The following C1QTNF9 variants were observed in gnomAD, a reference collection of about 807,000 sequenced individuals.
The protein encoded by C1QTNF9 is C1q and TNF related 9, also known as complement C1q and tumor necrosis factor-related protein 9A.
In C1QTNF9, 6 loss-of-function variants were observed where a neutral mutation model predicts 10.1. The observed-to-expected ratio is 0.59, with a 90% CI of 0.32 to 1.17. The LOEUF (loss-of-function observed/expected upper bound fraction) is 1.17, where lower values mean the gene tolerates loss of function less well. Among genes scored for constraint, C1QTNF9 ranks in the 50% most tolerant of loss-of-function variants. The pLI is 0.04. For synonymous variants in C1QTNF9, 98 were observed against 163.5 expected (o/e 0.60, Z 3.06); for missense variants, 201 against 418.8 (o/e 0.48, Z 4.54).
exon 4 of C1QTNF9, chr13:24,321,645 G>A: frequency 1.2e-6 from 2 of 1,614,208 alleles, no homozygotes; most frequent in Non-Finnish European, 1.7e-6. Context: ...GCATTGTCCT[G>A]CAGCTGAAGC....
chr13:24,310,520 A>G (rs1266030461), intron 1 of C1QTNF9, among the ~76,000 whole-genome samples: 1 of 151,948 alleles, frequency 6.6e-6, no homozygotes, highest in Non-Finnish European at 1.5e-5. Context: ...TTTAATGTGT[A>G]CTTTTTTTTC....
Position 24,313,676 on chromosome 13 carries a change from G to C in C1QTNF9, c.-22-2306G>C, listed in dbSNP as rs374523019. ...GACATTTCCACCAGATGGCAATACAGTCTTTGGATGACAGAGAGTCTTGCT... is the reference window on the plus strand; with the variant it reads ...GACATTTCCACCAGATGGCAATACACTCTTTGGATGACAGAGAGTCTTGCT... On this transcript the variant is annotated intron_variant, in intron 1 of 3. Transcript: ENST00000332018. 7.0e-4 allele frequency among the ~76,000 whole-genome samples: 106 copies of C among 152,310 alleles called. No individual in the cohort carries two copies. The South Asian group carries it at 0.021, about 30-fold the overall frequency.
At chr13:24,315,473 A>G (rs1877987343) in intron 1 of C1QTNF9, among the ~76,000 whole-genome samples, 1 of 152,222 alleles carries the variant, frequency 6.6e-6, no homozygotes, top group South Asian at 2.1e-4. Context: ...TTGGGTTGCT[A>G]TGGAAAATAA....
chr13:24,318,942 A>G (rs1031612647), intron 3 of C1QTNF9, 62 bp downstream of exon 3: 29 of 1,588,746 alleles, frequency 1.8e-5, no homozygotes, highest in Middle Eastern at 1.7e-4. Context: ...CAATATTACC[A>G]TGGACAAGTC....
upstream of C1QTNF9, among the ~76,000 whole-genome samples, chr13:24,309,068 G>A (rs554794690): frequency 2.2e-3 from 335 of 151,920 alleles, 1 homozygote; most frequent in African/African-American, 7.5e-3. Flanking sequence ...AATGGTCCGG[G>A]ATCCAAATGA....
intron 3 of C1QTNF9, among the ~76,000 whole-genome samples, chr13:24,319,545 C>T (rs1016567189): frequency 4.9e-4 from 75 of 151,722 alleles, no homozygotes; most frequent in South Asian, 1.3e-3. Context: ...TGTCTCAAAG[C>T]AACAAAAAAA....
chr13:24,308,536 C>T (rs1877688788), upstream of C1QTNF9, among the ~76,000 whole-genome samples: 1 of 152,244 alleles, frequency 6.6e-6, no homozygotes, highest in African/African-American at 2.4e-5. Flanking sequence ...ATTGTCATGT[C>T]CGCTGCACTG....
chr13:24,320,545 T>C (rs1237067345), intron 3 of C1QTNF9, among the ~76,000 whole-genome samples: 2 of 152,072 alleles, frequency 1.3e-5, no homozygotes, highest in African/African-American at 2.4e-5. Context: ...CCACCGCGCC[T>C]GGCTAATTTT....
At chr13:24,316,057 C>T in exon 2 of C1QTNF9, 4 of 1,613,834 alleles carry the variant, frequency 2.5e-6, no homozygotes, top group Non-Finnish European at 3.4e-6. Flanking sequence ...GGAACATAAA[C>T]TCACAGGACA....
At position 24,315,966 on chromosome 13, in the gene C1QTNF9, T is replaced by A. The variant is rs755005559; in HGVS notation, c.-22-16T>A. 24 of 1,612,466 alleles carry A rather than the reference T, an allele frequency of 1.5e-5. No individual in the cohort carries two copies. The highest frequency in any genetic ancestry group is 2.0e-5 in the Non-Finnish European group (23 of 1,178,878). On this transcript the variant is annotated splice_polypyrimidine_tract_variant and intron_variant, in intron 1 of 3. Transcript: ENST00000332018. ...AACAAAGATTTCTCCTTTGGGTTTC[T>A]GTTTCCCTCTTTCAGTTCAGAGTCT...
At chr13:24,320,200 T>G (rs982670165) in intron 3 of C1QTNF9, among the ~76,000 whole-genome samples, 3 of 151,832 alleles carry the variant, frequency 2.0e-5, no homozygotes, top group African/African-American at 7.2e-5. Flanking sequence ...CTGTCTCTGC[T>G]CTGAAGAGTG....
chr13:24,310,959 G>A (rs1877798639), intron 1 of C1QTNF9, among the ~76,000 whole-genome samples: 1 of 151,236 alleles, frequency 6.6e-6, no homozygotes, highest in South Asian at 2.1e-4. Context: ...TGTATAAAGT[G>A]TGTAATATAG....
At chr13:24,313,605 A>C (rs569718727) in intron 1 of C1QTNF9, among the ~76,000 whole-genome samples, 2 of 152,270 alleles carry the variant, frequency 1.3e-5, no homozygotes, top group East Asian at 1.9e-4. Context: ...AAGCATCTGC[A>C]TTTCCTTTCC....
intron 1 of C1QTNF9, among the ~76,000 whole-genome samples, chr13:24,314,217 T>C (rs7985306): frequency 0.54 from 81,438 of 151,834 alleles, 22,143 homozygotes; most frequent in African/African-American, 0.62. Flanking sequence ...AGTTGCACTA[T>C]GCCCACGTTT....
chr13:24,309,283 T>TTATTTATATATATATATATA (rs1555279694), upstream of C1QTNF9, among the ~76,000 whole-genome samples: 1 of 68,264 alleles, frequency 1.5e-5, no homozygotes, highest in Non-Finnish European at 3.4e-5. Context: ...ACTTAAAGTA[T>TTATTTATATATATATATATA]TATATATATA....
chr13:24,309,166 G>A (rs1461631631), upstream of C1QTNF9, among the ~76,000 whole-genome samples: 3 of 151,750 alleles, frequency 2.0e-5, no homozygotes, highest in Non-Finnish European at 4.4e-5. Flanking sequence ...TGAAGCAAAG[G>A]CATGAACATC....
chr13:24,317,610 T>A (rs1878091498), intron 2 of C1QTNF9, among the ~76,000 whole-genome samples: 1 of 152,066 alleles, frequency 6.6e-6, no homozygotes. Flanking sequence ...TTTTATCTTA[T>A]CTTAAAGTGT....
At chr13:24,317,692 A>G (rs3961755) in intron 2 of C1QTNF9, among the ~76,000 whole-genome samples, 2 of 152,074 alleles carry the variant, frequency 1.3e-5, no homozygotes, top group Admixed American at 6.5e-5. Context: ...ACATATAAAT[A>G]TCTACTGATT....
upstream of C1QTNF9, among the ~76,000 whole-genome samples, chr13:24,309,071 C>G (rs1877714019): frequency 6.6e-6 from 1 of 151,810 alleles, no homozygotes; most frequent in Admixed American, 6.6e-5. Context: ...GGTCCGGGAT[C>G]CAAATGAGAC....
Sources: allele counts gnomAD v4.1 joint callset (sites outside exome capture counted in the v4.1 genomes callset), GRCh38; gene constraint gnomAD v4.1.1; transcripts MANE v1.5; gene names NCBI Gene and HGNC (gene_info 2026-07-23, HGNC 2026-07-21).